The following MYO1B variants were observed in gnomAD, a reference collection of about 807,000 sequenced individuals.
MYO1B encodes the protein myosin IB, also known as unconventional myosin-Ib.
MYO1B carries 72 observed loss-of-function variants against 159.7 expected under a neutral mutation model. That is an observed-to-expected ratio of 0.45 (90% CI 0.37 to 0.55). The LOEUF (loss-of-function observed/expected upper bound fraction) is 0.55. Among genes scored for constraint, MYO1B ranks in the 20% least tolerant of loss-of-function variants. MYO1B has a pLI of 0.00. For missense variants in MYO1B, 1,062 were observed against 1,364.8 expected (o/e 0.78, Z 3.50); for synonymous variants, 468 against 473.8 (o/e 0.99, Z 0.16).
chr2:191,307,047 A>G (rs926597404), intron 3 of MYO1B, among the ~76,000 whole-genome samples: 2 of 152,236 alleles, frequency 1.3e-5, no homozygotes, highest in Admixed American at 1.3e-4. Flanking sequence ...GTAAAGTGAA[A>G]GCAAGTTTAT....
intron 4 of MYO1B, among the ~76,000 whole-genome samples, chr2:191,340,626 G>A (rs899892379): frequency 1.3e-5 from 2 of 152,026 alleles, no homozygotes; most frequent in Admixed American, 6.5e-5. Context: ...AAAAGGCTGC[G>A]TTTTTTTGTT....
chr2:191,396,350 G>A, intron 20 of MYO1B, 79 bp from the exon 21 acceptor site: 1 of 1,472,688 alleles, frequency 6.8e-7, no homozygotes, highest in Non-Finnish European at 9.5e-7. Flanking sequence ...GACGAAGTGA[G>A]CAAATACCCT....
rs1697091188 is a variant in MYO1B, at chr2:191,408,892, G to A, written c.2632-152G>A. ...TTTCCCCAACCAGTATGAAAGAGTG[G>A]AGTAGAGACTTCCCAGATGAGTTAC... On this transcript the variant is annotated intron_variant, in intron 25 of 30. Coordinates refer to ENST00000392318, the MANE Select transcript of MYO1B (RefSeq NM_001130158.3). 3 of 749,046 alleles carry A rather than the reference G, an allele frequency of 4.0e-6. No homozygotes were observed. In the South Asian group the frequency reaches 6.4e-5, roughly 16 times the overall value. The allele number at this position is 749,046 out of a possible 1,614,324, so 46.4% of individuals were successfully genotyped here.
chr2:191,375,209 G>A (rs1049303421), intron 13 of MYO1B, among the ~76,000 whole-genome samples: 2 of 152,126 alleles, frequency 1.3e-5, no homozygotes, highest in African/African-American at 4.8e-5. Flanking sequence ...GAGTATGATA[G>A]GCTGGATGCA....
intron 2 of MYO1B, among the ~76,000 whole-genome samples, chr2:191,278,456 T>C (rs1431393129): frequency 6.6e-6 from 1 of 152,188 alleles, no homozygotes; most frequent in Non-Finnish European, 1.5e-5. Flanking sequence ...TCAAGGATGA[T>C]TTTGAGTAAT....
intron 3 of MYO1B, among the ~76,000 whole-genome samples, chr2:191,319,174 A>G (rs1452525392): frequency 6.6e-6 from 1 of 152,224 alleles, no homozygotes; most frequent in Non-Finnish European, 1.5e-5. Flanking sequence ...TGAAAACACC[A>G]TAAACATAAG....
intron 4 of MYO1B, among the ~76,000 whole-genome samples, chr2:191,333,091 C>G (rs185944423): frequency 1.3e-5 from 2 of 152,126 alleles, no homozygotes; most frequent in African/African-American, 4.8e-5. Flanking sequence ...ATGAAAATTG[C>G]CAGGTCTCAT....
intron 3 of MYO1B, among the ~76,000 whole-genome samples, chr2:191,309,021 G>C (rs371098198): frequency 6.6e-6 from 1 of 152,110 alleles, no homozygotes; most frequent in East Asian, 1.9e-4. Flanking sequence ...ATGAGCCTAC[G>C]TGGGCTTCAA....
At chr2:191,419,922 C>T (rs995244848) in intron 30 of MYO1B, among the ~76,000 whole-genome samples, 2 of 152,176 alleles carry the variant, frequency 1.3e-5, no homozygotes, top group South Asian at 2.1e-4. Flanking sequence ...AAAAAACAGC[C>T]GGGCCCAGTG....
intron 1 of MYO1B, chr2:191,245,910 C>G (rs1305223551): frequency 6.6e-6 from 1 of 152,312 alleles, no homozygotes. Flanking sequence ...TGCCCCATGC[C>G]TCTCGTACCT....
At chr2:191,392,282 C>A in intron 19 of MYO1B, 81 bp downstream of exon 19, 1 of 1,036,006 alleles carries the variant, frequency 9.7e-7, no homozygotes, top group Non-Finnish European at 1.4e-6. Flanking sequence ...AACTTTATAA[C>A]ATTATATGAG....
intron 7 of MYO1B, among the ~76,000 whole-genome samples, chr2:191,360,329 A>G (rs550604667): frequency 6.6e-6 from 1 of 152,246 alleles, no homozygotes; most frequent in Non-Finnish European, 1.5e-5. Context: ...TCACATTTTC[A>G]GGAATTTAAT....
rs145936806 is a variant in MYO1B, at chr2:191,399,483, A to T, written c.2296-899A>T. ...TAGCGATAGACTGTGTGACCTTCAGAGCCAAAAGCAGTTACCATCTGGCAT... is the reference window on the plus strand; with the variant it reads ...TAGCGATAGACTGTGTGACCTTCAGTGCCAAAAGCAGTTACCATCTGGCAT... On this transcript the variant is annotated intron_variant, in intron 21 of 30. Transcript: ENST00000392318. 3.9e-5 allele frequency among the ~76,000 whole-genome samples: 6 copies of T among 152,344 alleles called. No individual in the cohort carries two copies. The East Asian group carries it at 1.2e-3, about 29-fold the overall frequency.
At chr2:191,400,125 A>G (rs1260805666) in intron 21 of MYO1B, among the ~76,000 whole-genome samples, 1 of 152,152 alleles carries the variant, frequency 6.6e-6, no homozygotes, top group Non-Finnish European at 1.5e-5. Context: ...GTGGTGCTGT[A>G]GTCAGATTTT....
At chr2:191,258,268 A>T (rs1475899030) in intron 1 of MYO1B, among the ~76,000 whole-genome samples, 1 of 152,248 alleles carries the variant, frequency 6.6e-6, no homozygotes. Flanking sequence ...GGCAATTATA[A>T]CACAGTAGTA....
chr2:191,405,020 A>G (rs1033067354), intron 24 of MYO1B, among the ~76,000 whole-genome samples: 3 of 152,192 alleles, frequency 2.0e-5, no homozygotes, highest in Admixed American at 6.5e-5. Flanking sequence ...ATTTGATAGC[A>G]TTTTACCCAG....
At chr2:191,326,956 C>T (rs535168506) in intron 3 of MYO1B, among the ~76,000 whole-genome samples, 17 of 152,132 alleles carry the variant, frequency 1.1e-4, no homozygotes, top group South Asian at 1.0e-3. Flanking sequence ...TCAGTGAGTA[C>T]GTATTATATA....
intron 1 of MYO1B, among the ~76,000 whole-genome samples, chr2:191,254,446 G>T (rs773151860): frequency 1.1e-4 from 16 of 151,744 alleles, no homozygotes; most frequent in Non-Finnish European, 2.1e-4. Context: ...CTGACCTCAG[G>T]TGATCCACCC....
At chr2:191,376,035 A>T (rs938870325) in intron 13 of MYO1B, among the ~76,000 whole-genome samples, 3 of 152,134 alleles carry the variant, frequency 2.0e-5, no homozygotes, top group Non-Finnish European at 2.9e-5. Flanking sequence ...TCCTTTGTGA[A>T]GTTGGGCTTC....
Sources: gnomAD v4.1 joint callset for allele counts (sites outside exome capture counted in the v4.1 genomes callset) on GRCh38, gnomAD v4.1.1 for gene constraint, MANE v1.5 for transcripts, NCBI Gene and HGNC (gene_info 2026-07-23, HGNC 2026-07-21) for gene names.